EIPR1: variants seen among roughly 807,000 people sequenced by gnomAD.
The protein encoded by EIPR1 is EARP complex and GARP complex interacting protein 1, also known as EARP and GARP complex-interacting protein 1.
EIPR1 carries 25 observed loss-of-function variants against 48.1 expected under a neutral mutation model. The observed-to-expected ratio is 0.52, with a 90% CI of 0.38 to 0.73. EIPR1 has a LOEUF of 0.73. Among genes scored for constraint, EIPR1 ranks in the 30% least tolerant of loss-of-function variants. EIPR1 has a pLI of 0.00. For synonymous variants in EIPR1, 204 were observed against 201.9 expected (o/e 1.01, Z -0.09); for missense variants, 415 against 506.2 (o/e 0.82, Z 1.73).
intron 4 of EIPR1, among the ~76,000 whole-genome samples, chr2:3,231,370 G>T (rs566248604): frequency 1.3e-5 from 2 of 152,192 alleles, no homozygotes; most frequent in South Asian, 2.1e-4. Flanking sequence ...AGAACTTCCA[G>T]TTATTATGAT....
intron 3 of EIPR1, chr2:3,319,202 G>A (rs950988580): frequency 3.9e-5 from 13 of 329,476 alleles, no homozygotes; most frequent in Admixed American, 2.0e-4. Flanking sequence ...ACAACAAGGC[G>A]TATTTACAAA....
At chr2:3,347,397 T>C (rs1670433229) in intron 2 of EIPR1, among the ~76,000 whole-genome samples, 1 of 152,166 alleles carries the variant, frequency 6.6e-6, no homozygotes. Context: ...CTCCTAATAG[T>C]GAATAAGTCT....
chr2:3,338,261 CTTTAG>C, intron 2 of EIPR1, 112 bp from the exon 3 acceptor site: 1 of 1,276,392 alleles, frequency 7.8e-7, no homozygotes, highest in Non-Finnish European at 1.1e-6. Flanking sequence ...ACAGATACAT[CTTTAG>C]TTAATTGTTA....
chr2:3,199,778 G>GAGGTGACAT (rs1664953144), intron 5 of EIPR1, among the ~76,000 whole-genome samples: 1 of 3,946 alleles, frequency 2.5e-4, no homozygotes, highest in Non-Finnish European at 7.7e-4. Context: ...AGAGGTGACA[G>GAGGTGACAT]GGGTGTGTCT....
rs939923802 is a variant in EIPR1 at position 3,326,274 on chromosome 2, T to C, written c.259+11743A>G. Among the ~76,000 whole-genome samples the C allele has an allele frequency of 1.7e-4, 26 of 152,196 alleles. 1 individual carries two copies. The highest frequency in any genetic ancestry group is 1.4e-3 in the Admixed American group (21 of 15,284). On this transcript the variant is annotated intron_variant, in intron 3 of 8. Coordinates refer to ENST00000382125, the MANE Select transcript of EIPR1 (RefSeq NM_003310.5). ...TTATTTAACAGCGGTGTTAGTCAAC[T>C]GTGCCCATTTTACAGATGAACGCTC...
chr2:3,283,016 C>G (rs1219111592), intron 3 of EIPR1, among the ~76,000 whole-genome samples: 3 of 152,228 alleles, frequency 2.0e-5, no homozygotes, highest in Non-Finnish European at 4.4e-5. Flanking sequence ...TTACTTAATG[C>G]AAACTCTGCT....
chr2:3,199,159 T>C (rs561115598), intron 5 of EIPR1, among the ~76,000 whole-genome samples: 3 of 151,124 alleles, frequency 2.0e-5, no homozygotes, highest in Non-Finnish European at 4.4e-5. Flanking sequence ...CTTATCCGTT[T>C]TGGTAATAAG....
At chr2:3,287,197 T>TTCGTTCACCACGCTCCAGAAAGC (rs1558274441) in intron 3 of EIPR1, among the ~76,000 whole-genome samples, 7 of 147,588 alleles carry the variant, frequency 4.7e-5, no homozygotes, top group African/African-American at 1.8e-4. Flanking sequence ...CTCCAGAAAG[T>TTCGTTCACCACGCTCCAGAAAGC]TCGTTCACCA....
Position 3,242,190 on chromosome 2 carries a change from G to A in EIPR1, c.416+15109C>T, listed in dbSNP as rs1388230854. Among the ~76,000 whole-genome samples, 3 of 150,348 alleles carry A rather than the reference G, an allele frequency of 2.0e-5. No individual in the cohort carries two copies. The East Asian group carries it at 5.9e-4, about 29-fold the overall frequency. On this transcript the variant is annotated intron_variant, in intron 4 of 8. Coordinates refer to ENST00000382125, the MANE Select transcript of EIPR1 (RefSeq NM_003310.5). ...ACTCCACACCACAGGCCCGGCAGCA[G>A]CCACTGACGGCTGGAAGACAGAGAT... is the stretch of plus-strand genomic sequence containing the variant.
chr2:3,215,556 T>G (rs949323243), intron 4 of EIPR1, among the ~76,000 whole-genome samples: 3 of 152,220 alleles, frequency 2.0e-5, no homozygotes, highest in African/African-American at 7.2e-5. Flanking sequence ...GGACCAAGAA[T>G]TTTTCAACAT....
intron 3 of EIPR1, among the ~76,000 whole-genome samples, chr2:3,335,183 G>C (rs976737917): frequency 6.6e-6 from 1 of 152,206 alleles, no homozygotes; most frequent in Admixed American, 6.5e-5. Flanking sequence ...GCGCTACGAA[G>C]CTACAGCCAG....
At chr2:3,213,887 C>T (rs968267292) in intron 5 of EIPR1, among the ~76,000 whole-genome samples, 2 of 152,086 alleles carry the variant, frequency 1.3e-5, no homozygotes, top group Non-Finnish European at 1.5e-5. Context: ...TTCTAGGGTA[C>T]ATGTGCACAA....
At chr2:3,228,600 G>C (rs77265862) in intron 4 of EIPR1, among the ~76,000 whole-genome samples, 2 of 152,258 alleles carry the variant, frequency 1.3e-5, no homozygotes, top group East Asian at 3.9e-4. Flanking sequence ...TCTGGGAGGC[G>C]GAAGGCGCAG....
chr2:3,284,975 A>G (rs1219159249), intron 3 of EIPR1, among the ~76,000 whole-genome samples: 2 of 152,204 alleles, frequency 1.3e-5, no homozygotes, highest in East Asian at 3.9e-4. Flanking sequence ...ACGTGTAGGT[A>G]TGGATCTTCA....
intron 3 of EIPR1, among the ~76,000 whole-genome samples, chr2:3,277,662 C>T (rs1391872740): frequency 2.0e-5 from 3 of 152,218 alleles, no homozygotes; most frequent in Non-Finnish European, 2.9e-5. Context: ...TAACGCCCAC[C>T]TGCTACTCTA....
At chr2:3,270,725 A>G (rs1399003646) in intron 3 of EIPR1, among the ~76,000 whole-genome samples, 3 of 152,230 alleles carry the variant, frequency 2.0e-5, no homozygotes, top group African/African-American at 7.2e-5. Context: ...GGGAGTTGTC[A>G]TCTTTTTGCT....
chr2:3,219,238 T>C (rs1267147725), intron 4 of EIPR1, among the ~76,000 whole-genome samples: 1 of 150,640 alleles, frequency 6.6e-6, no homozygotes, highest in African/African-American at 2.5e-5. Flanking sequence ...TGGTATACTC[T>C]AGAGCATTCA....
intron 3 of EIPR1, among the ~76,000 whole-genome samples, chr2:3,263,700 G>A (rs562240980): frequency 8.8e-4 from 134 of 151,684 alleles, no homozygotes; most frequent in African/African-American, 3.2e-3. Context: ...GGCACGGTGC[G>A]GCCAGCGCCT....
chr2:3,227,418 A>T (rs1336538644), intron 4 of EIPR1, among the ~76,000 whole-genome samples: 1 of 152,206 alleles, frequency 6.6e-6, no homozygotes, highest in African/African-American at 2.4e-5. Flanking sequence ...GGAACTTTGA[A>T]CTCGAGAGAG....
Sources: gnomAD v4.1 joint callset for allele counts (sites outside exome capture counted in the v4.1 genomes callset) on GRCh38, gnomAD v4.1.1 for gene constraint, MANE v1.5 for transcripts, NCBI Gene and HGNC (gene_info 2026-07-23, HGNC 2026-07-21) for gene names.